OFD1: variants seen among roughly 807,000 people sequenced by gnomAD.
The protein encoded by OFD1 is centriole and centriolar satellite protein OFD1.
Under a neutral mutation model 81.4 loss-of-function variants are expected in OFD1, and 12 were observed. That is an observed-to-expected ratio of 0.15 (90% CI 0.09 to 0.24). OFD1 has a LOEUF of 0.24. Ranked by LOEUF, OFD1 falls within the 10% of genes least tolerant of loss-of-function variation. The pLI is 1.00. For synonymous variants in OFD1, 256 were observed against 263.7 expected, an observed-to-expected ratio of 0.97 and a Z score of 0.28; for missense variants, 685 against 733.9, an observed-to-expected ratio of 0.93 and a Z score of 0.77.
intron 8 of OFD1, among the ~76,000 whole-genome samples, chrX:13,748,627 T>G (rs2146978650): frequency 8.9e-6 from 1 of 112,006 alleles, no homozygotes; most frequent in Admixed American, 9.5e-5. Context: ...AAATTCTTTC[T>G]CTGTGAACAC....
chrX:13,757,587 T>G, intron 13 of OFD1, 73 bp from the exon 14 acceptor site: 2 of 1,097,265 alleles, frequency 1.8e-6, no homozygotes, highest in East Asian at 3.1e-5. Flanking sequence ...CCTTTAACTG[T>G]TTTTGTTAAG....
intron 15 of OFD1, 144 bp from the exon 16 acceptor site, chrX:13,759,971 A>G: frequency 2.9e-6 from 2 of 679,581 alleles, no homozygotes; most frequent in Admixed American, 5.0e-5. Flanking sequence ...GTTAGTGGTT[A>G]TCGTTACCAT....
downstream of OFD1, among the ~76,000 whole-genome samples, chrX:13,769,656 A>G (rs1354271385): frequency 8.9e-5 from 10 of 111,774 alleles, no homozygotes; most frequent in African/African-American, 3.2e-4. Flanking sequence ...CCCCCGTGTG[A>G]TAGAATTAAG....
chrX:13,768,767 C>A lies in OFD1; in HGVS notation c.2978C>A (p.Ser993Tyr), dbSNP rs1331275431. 5.8e-6 allele frequency: 7 copies of A among 1,206,443 alleles called. No individual in the cohort carries two copies. Among genetic ancestry groups the A allele is most frequent in the Non-Finnish European group, 7.8e-6 (7 of 891,872 alleles). ...GGCTCCCTAGTGGACACGCTGCAATCTAGTGACAAAGTCGAAAGGTACCTG... is the reference window on the plus strand; with the variant it reads ...GGCTCCCTAGTGGACACGCTGCAATATAGTGACAAAGTCGAAAGGTACCTG... ...QEGSLVDTLQ[S>Y]SDKVESLTGF... is the part of the protein sequence containing the mutation. Residue 993 changes from serine to tyrosine, a missense_variant, in exon 22 of 23, where the codon TCT becomes TAT. Ser to Tyr is a moderately radical substitution (Grantham distance 144). This residue lies in a region of OFD1 where 259 missense variants were observed against 254.4 expected (regional missense o/e 1.02). Coordinates refer to ENST00000340096, the MANE Select transcript of OFD1 (RefSeq NM_003611.3).
downstream of OFD1, chrX:13,772,770 G>GTGTT (rs1387474427): frequency 4.4e-5 from 30 of 674,821 alleles, no homozygotes; most frequent in South Asian, 3.5e-4. Context: ...AGACAGTGAA[G>GTGTT]TGTTTGTACA....
the OFD1 span, chrX:13,719,901 C>T: frequency 4.2e-6 from 5 of 1,200,177 alleles, no homozygotes; most frequent in African/African-American, 7.0e-5. Flanking sequence ...CTGGCAAAAA[C>T]TCCATTTCAA....
In OFD1 at chrX:13,761,199, A is replaced by C; in HGVS notation, c.2375A>C (p.Glu792Ala). Residue 792 changes from glutamate to alanine, a missense_variant, in exon 17 of 23, where the codon GAG becomes GCG. Coordinates refer to ENST00000340096, the MANE Select transcript of OFD1 (RefSeq NM_003611.3). ...ATCCCTCCTGTCTCCAGCCCTCCGGAGCAGAAAGTGGGGTAAGTATAACGT... is the reference window on the plus strand; with the variant it reads ...ATCCCTCCTGTCTCCAGCCCTCCGGCGCAGAAAGTGGGGTAAGTATAACGT... Reference protein sequence around the residue: ...LSIPPVSSPPEQKVGLYRRQT... With the variant: ...LSIPPVSSPPAQKVGLYRRQT... 8.3e-7 allele frequency: 1 copy of C among 1,210,811 alleles called. No individual in the cohort carries two copies. The highest frequency in any genetic ancestry group is 1.1e-6 in the Non-Finnish European group (1 of 895,058).
upstream of OFD1, chrX:13,734,498 C>T (rs1405067887): frequency 2.6e-5 from 6 of 226,784 alleles, no homozygotes; most frequent in Non-Finnish European, 1.5e-5. Context: ...AACACCCGCC[C>T]CCCGCCGCAC....
In OFD1 at chrX:13,763,766, A is replaced by C. The variant is rs753929675; in HGVS notation, c.2510A>C (p.Gln837Pro). The C allele has an allele frequency of 1.7e-6, 2 of 1,211,046 alleles. No homozygotes were observed. Among genetic ancestry groups the C allele is most frequent in the Non-Finnish European group, 2.2e-6 (2 of 894,871 alleles). Residue 837 changes from glutamine to proline, a missense_variant, in exon 19 of 23, where the codon CAG becomes CCG. Gln to Pro is a moderately conservative substitution (Grantham distance 76). Around this residue, in one of 3 missense-constraint regions of OFD1, gnomAD observed 259 missense variants for 254.4 expected, o/e 1.02. Coordinates refer to ENST00000340096, the MANE Select transcript of OFD1 (RefSeq NM_003611.3). ...GCAGCTGCAGGGAACATGCCAAGGC[A>C]GTTGGAAATGGGCGGGCTTTCTCCT... The part of the protein sequence containing the change: ...SFESAGNMPR[Q>P]LEMGGLSPAG...
At chrX:13,761,379 C>A (rs1483117998) in intron 17 of OFD1, among the ~76,000 whole-genome samples, 168 bp downstream of exon 17, 1 of 110,321 alleles carries the variant, frequency 9.1e-6, no homozygotes, top group Non-Finnish European at 1.9e-5. Context: ...CTTTGAGAAT[C>A]ATCTAAATTA....
chrX:13,767,049 A>G, intron 19 of OFD1, 78 bp from the exon 20 acceptor site: 1 of 1,035,595 alleles, frequency 9.7e-7, no homozygotes, highest in African/African-American at 1.8e-5. Context: ...GGTCTTGGCA[A>G]GGGCTCCTGC....
chrX:13,773,260 A>G, downstream of OFD1: 1 of 283,317 alleles, frequency 3.5e-6, no homozygotes, highest in Non-Finnish European at 6.2e-6. Context: ...CTGGAAAAAA[A>G]TGGCCAAAGG....
At chrX:13,770,771 T>G (rs1009201543), downstream of OFD1, among the ~76,000 whole-genome samples, 2 of 112,332 alleles carry the variant, frequency 1.8e-5, no homozygotes, top group Non-Finnish European at 3.8e-5. Context: ...AGTGGATTAT[T>G]TAATATTTTC....
Position 13,769,355 on chromosome X carries a change from CT to C in OFD1, c.*248del. ...ATAATAAAAGTAACTGGCTTTTAAC[CT>C]CCTTATTTTTGTCTTAAATTTATAA... On this transcript the variant is annotated 3_prime_UTR_variant, in exon 23 of 23. Coordinates refer to ENST00000340096, the MANE Select transcript of OFD1 (RefSeq NM_003611.3). 2 of 363,759 alleles carry C rather than the reference CT, an allele frequency of 5.5e-6. No homozygotes were observed. The highest frequency in any genetic ancestry group is 9.6e-6 in the Non-Finnish European group (2 of 207,729). The allele number at this position is 363,759 out of a possible 1,213,427, so 30.0% of individuals were successfully genotyped here. A position where few individuals can be genotyped will look rare whatever the true frequency, so the allele number is the denominator to read the frequency against.
chrX:13,734,765 C>T lies in OFD1; in HGVS notation c.-307C>T, dbSNP rs1454248687. On this transcript the variant is annotated 5_prime_UTR_variant, in exon 1 of 23. Coordinates refer to ENST00000340096, the MANE Select transcript of OFD1 (RefSeq NM_003611.3). ...GTTGCCGGACTGGCTGTGAGGCGGT[C>T]CTGCCTCGCTGCCTTCAGTCCCTAG... 2.7e-5 allele frequency: 28 copies of T among 1,054,168 alleles called. No individual in the cohort carries two copies. The highest frequency in any genetic ancestry group is 3.2e-5 in the Non-Finnish European group (26 of 824,189). 86.9% of individuals were successfully genotyped at this position (1,054,168 alleles called of 1,213,427 possible). A position where few individuals can be genotyped will look rare whatever the true frequency, so the allele number is the denominator to read the frequency against.
chrX:13,748,122 A>G (rs756145472), intron 8 of OFD1, among the ~76,000 whole-genome samples: 2 of 112,217 alleles, frequency 1.8e-5, no homozygotes, highest in African/African-American at 3.2e-5. Context: ...AAAATTTTGT[A>G]TAGCATTTCT....
chrX:13,752,639 T>G, intron 10 of OFD1: 1 of 921,227 alleles, frequency 1.1e-6, no homozygotes, highest in Non-Finnish European at 1.4e-6. Context: ...ATAAATGAAT[T>G]AAAGTATGTG....
the OFD1 span, among the ~76,000 whole-genome samples, chrX:13,727,004 CAAAG>C: frequency 8.9e-6 from 1 of 111,747 alleles, no homozygotes; most frequent in Non-Finnish European, 1.9e-5. Flanking sequence ...TCAAAAGAGA[CAAAG>C]AAGGCCATTA....
intron 13 of OFD1, 117 bp downstream of exon 13, chrX:13,756,884 A>G: frequency 1.6e-6 from 1 of 613,480 alleles, no homozygotes; most frequent in Non-Finnish European, 2.7e-6. Context: ...GAAGATTTAT[A>G]AAATTAAGAT....
Sources: gnomAD v4.1 joint callset for allele counts (sites outside exome capture counted in the v4.1 genomes callset) on GRCh38, gnomAD v4.1.1 for gene constraint, gnomAD v4.1.1 regional missense constraint, MANE v1.5 for transcripts, NCBI Gene and HGNC (gene_info 2026-07-23, HGNC 2026-07-21) for gene names.